Variants in FOXN3 observed in about 807,000 individuals in gnomAD.
FOXN3 encodes the protein forkhead box protein N3.
In FOXN3, 7 loss-of-function variants were observed where a neutral mutation model predicts 38.4. That is an observed-to-expected ratio of 0.18 (90% confidence interval 0.10 to 0.34). The LOEUF (loss-of-function observed/expected upper bound fraction) is 0.34, where lower values mean the gene tolerates loss of function less well. Among genes scored for constraint, FOXN3 ranks in the 10% least tolerant of loss-of-function variants. The pLI, the probability that FOXN3 is intolerant of heterozygous loss-of-function variation, is 1.00. For missense variants in FOXN3, 456 were observed against 613.4 expected (o/e 0.74, Z 2.71); for synonymous variants, 230 against 242.2 (o/e 0.95, Z 0.47).
At chr14:89,450,053 C>T (rs892100998) in intron 1 of FOXN3, among the ~76,000 whole-genome samples, 1 of 152,156 alleles carries the variant, frequency 6.6e-6, no homozygotes, top group African/African-American at 2.4e-5. Context: ...CTGGTGGGAC[C>T]CACTTGTTGC....
chr14:89,345,004 G>GCCCCA (rs1566962005), intron 3 of FOXN3, among the ~76,000 whole-genome samples: 1 of 151,884 alleles, frequency 6.6e-6, no homozygotes, highest in East Asian at 1.9e-4. Flanking sequence ...GATTCCGAAG[G>GCCCCA]CCCCACGCCA....
At chr14:89,300,747 C>T (rs117177727) in intron 3 of FOXN3, among the ~76,000 whole-genome samples, 341 of 152,282 alleles carry the variant, frequency 2.2e-3, no homozygotes, top group Non-Finnish European at 4.1e-3. Flanking sequence ...CTAATCTGGG[C>T]ACTCAATTGC....
At chr14:89,314,021 G>A (rs548908938) in intron 3 of FOXN3, among the ~76,000 whole-genome samples, 1 of 152,308 alleles carries the variant, frequency 6.6e-6, no homozygotes, top group South Asian at 2.1e-4. Context: ...CAGTTTTGCA[G>A]AAAGTTCTAG....
intron 1 of FOXN3, among the ~76,000 whole-genome samples, chr14:89,589,650 T>C (rs1352556076): frequency 6.8e-6 from 1 of 146,032 alleles, no homozygotes; most frequent in Non-Finnish European, 1.5e-5. Flanking sequence ...GGACTGGAAG[T>C]TGGATGCTTT....
At chr14:89,363,976 AT>A (rs1566968994) in intron 2 of FOXN3, among the ~76,000 whole-genome samples, 16 of 82,122 alleles carry the variant, frequency 1.9e-4, no homozygotes, top group Admixed American at 1.0e-3. Flanking sequence ...ATATATATAT[AT>A]ATATATATAT....
intron 1 of FOXN3, among the ~76,000 whole-genome samples, chr14:89,578,075 T>C (rs565635967): frequency 6.6e-6 from 1 of 152,240 alleles, no homozygotes. Context: ...TATTTCAACC[T>C]TGAAAGACAT....
At chr14:89,173,644 A>T (rs1887446942) in intron 5 of FOXN3, among the ~76,000 whole-genome samples, 1 of 152,190 alleles carries the variant, frequency 6.6e-6, no homozygotes, top group Admixed American at 6.5e-5. Flanking sequence ...GAAACCTAAT[A>T]TGAGTTTTTA....
In FOXN3 at chr14:89,542,219, A is replaced by G. The variant is rs533949058; in HGVS notation, c.-15+76809T>C. On this transcript the variant is annotated intron_variant, in intron 1 of 6. Coordinates refer to the FOXN3 transcript ENST00000345097. ...TAAAGGATTAATTTTCTTAATTACTATATTTTGCAAGAATCGATATTATTA... is the reference window on the plus strand; with the variant it reads ...TAAAGGATTAATTTTCTTAATTACTGTATTTTGCAAGAATCGATATTATTA... Among the ~76,000 whole-genome samples the G allele has an allele frequency of 3.3e-5, 5 of 152,348 alleles. No individual in the cohort carries two copies. In the South Asian group the frequency reaches 1.0e-3, roughly 32 times the overall value.
intron 2 of FOXN3, among the ~76,000 whole-genome samples, chr14:89,398,835 A>T (rs1055573417): frequency 1.8e-4 from 27 of 152,294 alleles, no homozygotes; most frequent in African/African-American, 4.3e-4. Context: ...AAAATACAAA[A>T]TTAGCCACGC....
chr14:89,278,026 T>C (rs1886349263), intron 4 of FOXN3, among the ~76,000 whole-genome samples: 1 of 151,790 alleles, frequency 6.6e-6, no homozygotes, highest in Non-Finnish European at 1.5e-5. Context: ...CCCACCCTTC[T>C]GACAAAAATA....
intron 3 of FOXN3, among the ~76,000 whole-genome samples, chr14:89,342,173 G>A (rs902289398): frequency 2.0e-5 from 3 of 152,220 alleles, no homozygotes; most frequent in African/African-American, 7.2e-5. Context: ...GTAACTCGGA[G>A]TGGTTCTCTC....
At chr14:89,613,212 TCTGAAC>T (rs1896430894) in intron 1 of FOXN3, among the ~76,000 whole-genome samples, 1 of 151,300 alleles carries the variant, frequency 6.6e-6, no homozygotes, top group Non-Finnish European at 1.5e-5. Context: ...CCTGCTACTC[TCTGAAC>T]CTTAAGAAAG....
intron 1 of FOXN3, among the ~76,000 whole-genome samples, chr14:89,590,434 C>T (rs1895926086): frequency 6.6e-6 from 1 of 152,094 alleles, no homozygotes; most frequent in Non-Finnish European, 1.5e-5. Flanking sequence ...CTCAAAAATT[C>T]CGGCAGAGGG....
At chr14:89,584,155 G>T (rs1235684531) in intron 1 of FOXN3, among the ~76,000 whole-genome samples, 1 of 151,206 alleles carries the variant, frequency 6.6e-6, no homozygotes, top group Non-Finnish European at 1.5e-5. Context: ...CACCACACCT[G>T]GCCCTAACAC....
intron 1 of FOXN3, among the ~76,000 whole-genome samples, chr14:89,612,842 G>A (rs1343824722): frequency 6.6e-5 from 10 of 151,392 alleles, no homozygotes; most frequent in East Asian, 1.9e-4. Flanking sequence ...AAAAAAGTCC[G>A]GACACGGTGG....
intron 4 of FOXN3, among the ~76,000 whole-genome samples, chr14:89,248,625 G>A (rs1261988645): frequency 7.9e-5 from 12 of 152,218 alleles, no homozygotes; most frequent in African/African-American, 2.2e-4. Flanking sequence ...GCTGTGCTAC[G>A]TGAGGCAGTG....
At chr14:89,463,737 G>A (rs972703800) in intron 1 of FOXN3, among the ~76,000 whole-genome samples, 8 of 151,844 alleles carry the variant, frequency 5.3e-5, no homozygotes, top group Non-Finnish European at 1.2e-4. Context: ...AAGTTTGGCT[G>A]TGGAGACTGG....
chr14:89,368,126 C>T (rs1442628610), intron 2 of FOXN3, among the ~76,000 whole-genome samples: 2 of 151,100 alleles, frequency 1.3e-5, no homozygotes, highest in African/African-American at 2.4e-5. Context: ...GTCAGGAGTT[C>T]GAGACCAGCC....
intron 4 of FOXN3, among the ~76,000 whole-genome samples, chr14:89,203,995 T>C (rs1306727037): frequency 1.3e-5 from 2 of 151,668 alleles, no homozygotes; most frequent in African/African-American, 4.8e-5. Context: ...AAGCCATATT[T>C]GGGCCATCTT....
Sources: gnomAD v4.1 joint callset for allele counts (sites outside exome capture counted in the v4.1 genomes callset) on GRCh38, gnomAD v4.1.1 for gene constraint, MANE v1.5 for transcripts, NCBI Gene and HGNC (gene_info 2026-07-23, HGNC 2026-07-21) for gene names.